Variants in SIK3 observed in about 807,000 individuals in gnomAD.
SIK3 encodes serine/threonine-protein kinase SIK3.
Under a neutral mutation model 144.2 loss-of-function variants are expected in SIK3, and 28 were observed. The observed-to-expected ratio is 0.19, with a 90% CI of 0.14 to 0.27. The LOEUF (loss-of-function observed/expected upper bound fraction) is 0.27. Among genes scored for constraint, SIK3 ranks in the 10% least tolerant of loss-of-function variants. The pLI, the probability that SIK3 is intolerant of heterozygous loss-of-function variation, is 1.00. For missense variants in SIK3, 1,319 were observed against 1,776.0 expected, an observed-to-expected ratio of 0.74 and a Z score of 4.62; for synonymous variants, 686 against 676.3, an observed-to-expected ratio of 1.01 and a Z score of -0.22.
At chr11:117,046,115 T>C (rs1047324720) in intron 1 of SIK3, among the ~76,000 whole-genome samples, 1 of 152,226 alleles carries the variant, frequency 6.6e-6, no homozygotes, top group African/African-American at 2.4e-5. Flanking sequence ...TTTCACAATA[T>C]ACAATTCCTC....
At chr11:117,023,533 G>C (rs888412818) in intron 1 of SIK3, among the ~76,000 whole-genome samples, 6 of 145,382 alleles carry the variant, frequency 4.1e-5, no homozygotes, top group Admixed American at 3.5e-4. Flanking sequence ...AACCTCCCTG[G>C]TAGATGGGAC....
At chr11:117,030,201 T>C (rs1952195471) in intron 1 of SIK3, among the ~76,000 whole-genome samples, 1 of 152,164 alleles carries the variant, frequency 6.6e-6, no homozygotes. Flanking sequence ...TGGCAATGTA[T>C]AGTTAACAAA....
chr11:117,009,027 G>A (rs1236184107), intron 1 of SIK3, among the ~76,000 whole-genome samples: 2 of 152,006 alleles, frequency 1.3e-5, no homozygotes, highest in African/African-American at 2.4e-5. Flanking sequence ...CTGAAGTCAG[G>A]AGATCAAGAC....
intron 1 of SIK3, among the ~76,000 whole-genome samples, chr11:117,068,926 C>G (rs1041615510): frequency 2.0e-5 from 3 of 152,178 alleles, no homozygotes; most frequent in Admixed American, 6.5e-5. Context: ...GGAGGAAGAG[C>G]CTTAAAGATG....
chr11:117,023,543 C>T (rs1951861441), intron 1 of SIK3, among the ~76,000 whole-genome samples: 2 of 143,974 alleles, frequency 1.4e-5, no homozygotes, highest in South Asian at 4.4e-4. Flanking sequence ...GTAGATGGGA[C>T]TATAGTCATG....
chr11:116,960,263 C>T (rs906502648), intron 1 of SIK3, among the ~76,000 whole-genome samples: 1 of 152,184 alleles, frequency 6.6e-6, no homozygotes, highest in African/African-American at 2.4e-5. Flanking sequence ...CGGTGGTTCA[C>T]GCCTGTAATT....
chr11:116,936,944 G>A (rs2135223788), intron 3 of SIK3, among the ~76,000 whole-genome samples: 1 of 152,226 alleles, frequency 6.6e-6, no homozygotes, highest in Middle Eastern at 3.4e-3. Context: ...GGAATTCAAG[G>A]TTATCCTTTA....
chr11:117,007,378 A>AAAC (rs1951089817), intron 1 of SIK3, among the ~76,000 whole-genome samples: 1 of 152,236 alleles, frequency 6.6e-6, no homozygotes, highest in Admixed American at 6.5e-5. Context: ...ACTCTGTCTC[A>AAAC]AAACAAACAA....
intron 4 of SIK3, among the ~76,000 whole-genome samples, chr11:116,912,726 C>T (rs556212011): frequency 1.3e-5 from 2 of 152,286 alleles, no homozygotes; most frequent in African/African-American, 4.8e-5. Flanking sequence ...TGACAAGATC[C>T]TTCATGTTTT....
chr11:116,896,431 G>A, intron 5 of SIK3, 55 bp from the exon 6 acceptor site: 1 of 1,587,688 alleles, frequency 6.3e-7, no homozygotes, highest in Non-Finnish European at 8.6e-7. Flanking sequence ...AAACAAAAAA[G>A]ACTACTGTAG....
At chr11:116,961,091 C>T (rs1312814130) in intron 1 of SIK3, among the ~76,000 whole-genome samples, 1 of 152,186 alleles carries the variant, frequency 6.6e-6, no homozygotes, top group Admixed American at 6.5e-5. Flanking sequence ...TCAGGAAAGT[C>T]ACAGTGAGCC....
chr11:117,039,729 A>C (rs1213007045), intron 1 of SIK3, among the ~76,000 whole-genome samples: 2 of 152,210 alleles, frequency 1.3e-5, no homozygotes, highest in Non-Finnish European at 2.9e-5. Flanking sequence ...ACTATAGCTA[A>C]GTGCTTTACA....
intron 1 of SIK3, among the ~76,000 whole-genome samples, chr11:116,965,732 AAAATATATATATATATAT>A (rs1221590530): frequency 2.6e-5 from 2 of 77,306 alleles, no homozygotes; most frequent in African/African-American, 1.2e-4. Context: ...CGTCTCTGCT[AAAATATATATATATATAT>A]ATATATATAT....
chr11:116,858,183 A>G lies in SIK3; in HGVS notation c.3282T>C (p.Ser1094=). 6.2e-7 allele frequency: 1 copy of G among 1,614,084 alleles called. No individual in the cohort carries two copies. The highest frequency in any genetic ancestry group is 1.1e-5 in the South Asian group (1 of 91,082). The change falls in exon 21 of 25, where the codon TCT becomes TCC. Residue 1094 remains serine, a synonymous_variant. Coordinates refer to ENST00000445177, the MANE Select transcript of SIK3 (RefSeq NM_001366686.3). This position sits in a 1 kb window ranked among gnomAD's most constrained non-coding sequence, Gnocchi z 5.4. The part of the protein sequence containing the change: ...GQSMTERQAL[S]YQNADSYHHH... ...GGTGATAAGAGTCAGCATTTTGATA[A>G]GATAAAGCCTGGCGCTCTGTCATGC...
At position 116,900,056 on chromosome 11, in the gene SIK3, T is replaced by C. The variant is rs1017900743; in HGVS notation, c.617-2739A>G. Among the ~76,000 whole-genome samples the C allele has an allele frequency of 3.9e-5, 6 of 152,332 alleles. No individual in the cohort carries two copies. The South Asian group carries it at 1.2e-3, about 32-fold the overall frequency. On this transcript the variant is annotated intron_variant, in intron 4 of 24. Transcript: ENST00000445177. ...TCTCGCTACTTCTACCAGCATTTGA[T>C]ATAAATACCCCAAATTTATATGTCT...
At chr11:116,935,717 A>G (rs909407421) in intron 3 of SIK3, among the ~76,000 whole-genome samples, 3 of 152,216 alleles carry the variant, frequency 2.0e-5, no homozygotes, top group African/African-American at 7.2e-5. Flanking sequence ...TATAACCTGC[A>G]TGCTCCAAGT....
chr11:117,064,010 TTA>T (rs1298017182), intron 1 of SIK3, among the ~76,000 whole-genome samples: 22 of 152,192 alleles, frequency 1.4e-4, no homozygotes, highest in Admixed American at 5.9e-4. Flanking sequence ...GATAACTTTA[TTA>T]TATGTTAATG....
At chr11:117,046,064 T>C (rs568023157) in intron 1 of SIK3, among the ~76,000 whole-genome samples, 3 of 152,342 alleles carry the variant, frequency 2.0e-5, no homozygotes, top group African/African-American at 7.2e-5. Flanking sequence ...CTACCATTCA[T>C]TGGTGGTAAG....
chr11:116,970,731 G>A (rs1314553619), intron 1 of SIK3, among the ~76,000 whole-genome samples: 2 of 152,090 alleles, frequency 1.3e-5, no homozygotes, highest in Non-Finnish European at 2.9e-5. Context: ...GCTCACTGCA[G>A]CCTCAAACTC....
Sources: allele counts gnomAD v4.1 joint callset (sites outside exome capture counted in the v4.1 genomes callset), GRCh38; gene constraint gnomAD v4.1.1; non-coding constraint Gnocchi (gnomAD v3.1); transcripts MANE v1.5; gene names NCBI Gene and HGNC (gene_info 2026-07-23, HGNC 2026-07-21).